FMNL2: variants seen among roughly 807,000 people sequenced by gnomAD.
FMNL2 encodes formin like 2, also known as formin-like protein 2.
In FMNL2, 51 loss-of-function variants were observed where a neutral mutation model predicts 130.2. That is an observed-to-expected ratio of 0.39 (90% CI 0.31 to 0.49). The LOEUF is 0.49. FMNL2 is among the 20% of genes least tolerant of loss of function. FMNL2 has a pLI of 0.85. For missense variants in FMNL2, 977 were observed against 1,316.2 expected (o/e 0.74, Z 3.99); for synonymous variants, 465 against 467.1 (o/e 1.00, Z 0.06).
chr2:152,608,665 G>A (rs1172488737), intron 10 of FMNL2, among the ~76,000 whole-genome samples: 1 of 151,736 alleles, frequency 6.6e-6, no homozygotes, highest in Non-Finnish European at 1.5e-5. Flanking sequence ...TTTTAAAGAA[G>A]TTAAGGCTGA....
intron 1 of FMNL2, among the ~76,000 whole-genome samples, chr2:152,447,726 C>T (rs1262062370): frequency 1.3e-5 from 2 of 152,146 alleles, no homozygotes; most frequent in Non-Finnish European, 2.9e-5. Context: ...AACTTCCTTA[C>T]TGGATAGTCT....
intron 6 of FMNL2, among the ~76,000 whole-genome samples, chr2:152,572,799 T>TTG (rs1696250825): frequency 6.6e-6 from 1 of 152,032 alleles, no homozygotes. Context: ...AACCTGTTTT[T>TTG]TTTTTTTTTT....
intron 1 of FMNL2, among the ~76,000 whole-genome samples, chr2:152,478,248 A>T (rs13396834): frequency 0.1 from 7,619 of 75,654 alleles, 444 homozygotes; most frequent in Non-Finnish European, 0.14. Context: ...ATATATATAT[A>T]TATTTTTTTT....
At chr2:152,475,550 G>A (rs6745613) in intron 1 of FMNL2, among the ~76,000 whole-genome samples, 6,566 of 152,042 alleles carry the variant, frequency 0.043, 473 homozygotes, top group African/African-American at 0.15. Context: ...GCTGGAGTAC[G>A]GTAGTGTGAT....
intron 9 of FMNL2, among the ~76,000 whole-genome samples, chr2:152,606,837 A>G (rs1266561453): frequency 6.6e-6 from 1 of 151,916 alleles, no homozygotes; most frequent in Non-Finnish European, 1.5e-5. Flanking sequence ...GGGTTAATAT[A>G]GCTTCCACGG....
intron 23 of FMNL2, among the ~76,000 whole-genome samples, chr2:152,639,322 A>C (rs1682889149): frequency 6.6e-6 from 1 of 152,158 alleles, no homozygotes; most frequent in African/African-American, 2.4e-5. Flanking sequence ...CTTCAGCTGC[A>C]AATTAGGTAG....
At chr2:152,353,449 T>C (rs889620590) in intron 1 of FMNL2, among the ~76,000 whole-genome samples, 8 of 152,186 alleles carry the variant, frequency 5.3e-5, no homozygotes, top group African/African-American at 1.9e-4. Flanking sequence ...TAAGCCTTAC[T>C]TCTCTAGGTT....
intron 10 of FMNL2, among the ~76,000 whole-genome samples, chr2:152,607,856 A>C (rs540258029): frequency 2.0e-4 from 30 of 152,206 alleles, no homozygotes; most frequent in African/African-American, 7.2e-4. Context: ...GACTGTATGT[A>C]TCTCCAAAAT....
intron 1 of FMNL2, among the ~76,000 whole-genome samples, chr2:152,375,887 A>C (rs901692119): frequency 2.9e-5 from 4 of 136,268 alleles, no homozygotes; most frequent in East Asian, 2.8e-4. Flanking sequence ...CTATATATAT[A>C]TATATATATA....
At chr2:152,618,561 C>G (rs964629738) in intron 13 of FMNL2, among the ~76,000 whole-genome samples, 1 of 152,136 alleles carries the variant, frequency 6.6e-6, no homozygotes, top group Admixed American at 6.5e-5. Context: ...GTCAGCATTC[C>G]GGGTCATTTC....
chr2:152,617,268 A>G, intron 13 of FMNL2, 76 bp downstream of exon 13: 1 of 1,309,392 alleles, frequency 7.6e-7, no homozygotes, highest in South Asian at 1.2e-5. Context: ...TGGAACGCAG[A>G]GTACCTTCAT....
intron 1 of FMNL2, among the ~76,000 whole-genome samples, chr2:152,438,367 A>G (rs1396174602): frequency 6.6e-6 from 1 of 152,218 alleles, no homozygotes; most frequent in African/African-American, 2.4e-5. Flanking sequence ...AGGGCCACGC[A>G]GGTAACCTTA....
chr2:152,386,920 G>A (rs527416150), intron 1 of FMNL2, among the ~76,000 whole-genome samples: 1 of 152,254 alleles, frequency 6.6e-6, no homozygotes, highest in East Asian at 1.9e-4. Context: ...AGGAGTCTAG[G>A]AGACTCCCCT....
At chr2:152,429,175 TTAAAA>T (rs1319144562) in intron 1 of FMNL2, among the ~76,000 whole-genome samples, 2 of 146,582 alleles carry the variant, frequency 1.4e-5, no homozygotes, top group African/African-American at 5.1e-5. Flanking sequence ...ACCCCTGAAC[TTAAAA>T]TAGAAGTTGG....
chr2:152,336,206 CGCGGGCGCCGCGCCGGGCGGTGA>C (rs1335265870), intron 1 of FMNL2, among the ~76,000 whole-genome samples: 2 of 152,098 alleles, frequency 1.3e-5, no homozygotes, highest in African/African-American at 4.8e-5. Flanking sequence ...TGTGGCCGGC[CGCGGGCGCCGCGCCGGGCGGTGA>C]GCGGAGGCGA....
chr2:152,384,440 G>A (rs1161102908), intron 1 of FMNL2, among the ~76,000 whole-genome samples: 1 of 152,174 alleles, frequency 6.6e-6, no homozygotes, highest in Admixed American at 6.5e-5. Flanking sequence ...CAGGATAGGG[G>A]CTAGGCCATG....
rs538026648 is a variant in FMNL2, at chr2:152,493,937, A to T, written c.118-28006A>T. ...ACCCTGTAATTTTGCTTTTAAAACC[A>T]TGAAAGCTCATTTCAGATATTAACA... On this transcript the variant is annotated intron_variant, in intron 1 of 25. Transcript: ENST00000288670. Among the ~76,000 whole-genome samples, 5 of 152,368 alleles carry T rather than the reference A, an allele frequency of 3.3e-5. No individual in the cohort carries two copies. The South Asian group carries it at 1.0e-3, about 32-fold the overall frequency.
intron 9 of FMNL2, among the ~76,000 whole-genome samples, chr2:152,600,024 C>T (rs1190924898): frequency 6.6e-6 from 1 of 152,194 alleles, no homozygotes; most frequent in Non-Finnish European, 1.5e-5. Flanking sequence ...GTGGTTTTGT[C>T]AGGCCATTAT....
intron 1 of FMNL2, among the ~76,000 whole-genome samples, chr2:152,495,103 A>G (rs569283246): frequency 1.3e-5 from 2 of 152,296 alleles, no homozygotes; most frequent in South Asian, 2.1e-4. Flanking sequence ...ATGCTTGCTT[A>G]CTACTCCTAT....
Sources: allele counts gnomAD v4.1 joint callset (sites outside exome capture counted in the v4.1 genomes callset), GRCh38; gene constraint gnomAD v4.1.1; transcripts MANE v1.5; gene names NCBI Gene and HGNC (gene_info 2026-07-23, HGNC 2026-07-21).